The following PCED1B variants were observed in gnomAD, a reference collection of about 807,000 sequenced individuals.
The protein encoded by PCED1B is PC-esterase domain-containing protein 1B.
For missense variants in PCED1B, 573 were observed against 573.9 expected, an observed-to-expected ratio of 1.00 and a Z score of 0.02; for synonymous variants, 251 against 246.1, an observed-to-expected ratio of 1.02 and a Z score of -0.19.
intron 2 of PCED1B, among the ~76,000 whole-genome samples, chr12:47,190,494 G>A (rs1437230909): frequency 2.0e-5 from 3 of 152,156 alleles, no homozygotes; most frequent in African/African-American, 4.8e-5. Flanking sequence ...CCCTTTGTAC[G>A]AGAAACACAG....
intron 2 of PCED1B, among the ~76,000 whole-genome samples, chr12:47,145,986 T>A (rs961801223): frequency 1.3e-5 from 2 of 152,194 alleles, no homozygotes; most frequent in African/African-American, 2.4e-5. Flanking sequence ...CAAAGAAAAT[T>A]GAAAACTTTC....
chr12:47,200,857 C>A (rs1478548439), intron 2 of PCED1B, among the ~76,000 whole-genome samples: 1 of 152,244 alleles, frequency 6.6e-6, no homozygotes, highest in South Asian at 2.1e-4. Context: ...CAGACATATG[C>A]GATGTGGATT....
At chr12:47,139,892 G>A (rs1227442038) in intron 2 of PCED1B, among the ~76,000 whole-genome samples, 2 of 152,004 alleles carry the variant, frequency 1.3e-5, no homozygotes, top group East Asian at 1.9e-4. Flanking sequence ...TCTGTGTGGT[G>A]TGGTAGGTGT....
At chr12:47,115,474 A>C (rs200788829) in intron 2 of PCED1B, among the ~76,000 whole-genome samples, 2 of 152,160 alleles carry the variant, frequency 1.3e-5, no homozygotes, top group East Asian at 3.9e-4. Context: ...AGGTACAACC[A>C]GAAACTGCTT....
intron 1 of PCED1B, among the ~76,000 whole-genome samples, chr12:47,083,628 C>G (rs1479832016): frequency 6.6e-6 from 1 of 152,160 alleles, no homozygotes; most frequent in Non-Finnish European, 1.5e-5. Context: ...TCACCCCATC[C>G]TGTGTCTTTC....
chr12:47,170,479 G>A (rs922131914), intron 2 of PCED1B, among the ~76,000 whole-genome samples: 1 of 144,946 alleles, frequency 6.9e-6, no homozygotes, highest in Non-Finnish European at 1.5e-5. Flanking sequence ...GGGCAGAGGC[G>A]CCCCCCACCT....
intron 1 of PCED1B, among the ~76,000 whole-genome samples, chr12:47,091,515 A>T (rs920609736): frequency 6.6e-5 from 10 of 152,046 alleles, no homozygotes; most frequent in Admixed American, 1.3e-4. Flanking sequence ...TTTTCACTCA[A>T]TTTGGGGGAA....
At chr12:47,174,856 G>A (rs139812588) in intron 2 of PCED1B, among the ~76,000 whole-genome samples, 289 of 152,230 alleles carry the variant, frequency 1.9e-3, no homozygotes, top group Non-Finnish European at 2.7e-3. Context: ...AAGTTACTTA[G>A]CATCACTGAG....
intron 2 of PCED1B, among the ~76,000 whole-genome samples, chr12:47,122,953 A>G (rs1226443941): frequency 6.6e-6 from 1 of 152,210 alleles, no homozygotes; most frequent in East Asian, 1.9e-4. Context: ...TTCTTTTGCT[A>G]CTTTCTCATT....
At chr12:47,148,476 CCAAAGGTA>C (rs1445982769) in intron 2 of PCED1B, among the ~76,000 whole-genome samples, 2 of 152,098 alleles carry the variant, frequency 1.3e-5, no homozygotes, top group Non-Finnish European at 2.9e-5. Flanking sequence ...GGGCAGGAAA[CCAAAGGTA>C]TCTGCTATAG....
intron 1 of PCED1B, among the ~76,000 whole-genome samples, chr12:47,096,901 A>G (rs1374376147): frequency 6.6e-6 from 1 of 152,200 alleles, no homozygotes; most frequent in Non-Finnish European, 1.5e-5. Context: ...CCAAAAGTAG[A>G]TATGTAAGAC....
intron 1 of PCED1B, among the ~76,000 whole-genome samples, chr12:47,093,933 G>A (rs1283325234): frequency 2.6e-5 from 4 of 151,980 alleles, no homozygotes; most frequent in South Asian, 4.1e-4. Flanking sequence ...CATGACATTA[G>A]ATTACATATG....
chr12:47,223,696 G>A (rs1565612251), intron 3 of PCED1B: 1 of 152,250 alleles, frequency 6.6e-6, no homozygotes, highest in African/African-American at 2.4e-5. Context: ...TTTGCAGGAG[G>A]GTGGGAAGCG....
intron 2 of PCED1B, among the ~76,000 whole-genome samples, chr12:47,158,843 T>C (rs1037529271): frequency 6.6e-6 from 1 of 152,196 alleles, no homozygotes; most frequent in African/African-American, 2.4e-5. Flanking sequence ...AACCCTACTC[T>C]GCTATTGAAC....
chr12:47,172,519 T>A (rs1941786331), intron 2 of PCED1B, among the ~76,000 whole-genome samples: 3 of 152,290 alleles, frequency 2.0e-5, no homozygotes, highest in Middle Eastern at 6.8e-3. Flanking sequence ...GCTAGACTGA[T>A]AAATTTTGAG....
At chr12:47,085,918 A>G (rs1008097453) in intron 1 of PCED1B, among the ~76,000 whole-genome samples, 1 of 152,090 alleles carries the variant, frequency 6.6e-6, no homozygotes, top group South Asian at 2.1e-4. Flanking sequence ...CTGGCTTCTC[A>G]GGCAGGAAGT....
intron 1 of PCED1B, among the ~76,000 whole-genome samples, chr12:47,080,603 G>A (rs1201978539): frequency 6.6e-6 from 1 of 152,164 alleles, no homozygotes; most frequent in Non-Finnish European, 1.5e-5. Context: ...CCCTGGGAAA[G>A]TTCTATCCCT....
At chr12:47,231,110 G>A (rs1264651172) in intron 3 of PCED1B, among the ~76,000 whole-genome samples, 1 of 152,120 alleles carries the variant, frequency 6.6e-6, no homozygotes, top group African/African-American at 2.4e-5. Flanking sequence ...CTCTGTAGAG[G>A]GGCCGATGGA....
chr12:47,125,750 T>C (rs1039643513), intron 2 of PCED1B, among the ~76,000 whole-genome samples: 7 of 152,108 alleles, frequency 4.6e-5, no homozygotes, highest in Non-Finnish European at 1.0e-4. Context: ...CTAAGTATTT[T>C]GTATTTTGAT....
Sources: gnomAD v4.1 joint callset for allele counts (sites outside exome capture counted in the v4.1 genomes callset) on GRCh38, gnomAD v4.1.1 for gene constraint, MANE v1.5 for transcripts, NCBI Gene and HGNC (gene_info 2026-07-23, HGNC 2026-07-21) for gene names.